Variants in TTLL5 observed in about 807,000 individuals in gnomAD.
TTLL5 encodes tubulin tyrosine ligase like 5, also known as tubulin polyglutamylase TTLL5.
TTLL5 carries 132 observed loss-of-function variants against 168.4 expected under a neutral mutation model. That is an observed-to-expected ratio of 0.78 (90% CI 0.68 to 0.91). The LOEUF is 0.91. TTLL5 is among the 40% of genes least tolerant of loss of function. The probability of loss-of-function intolerance (pLI) is 0.00; values close to 1 mark genes in which losing one functional copy is unlikely to be tolerated. For missense variants in TTLL5, 1,545 were observed against 1,581.5 expected, an observed-to-expected ratio of 0.98 and a Z score of 0.39; for synonymous variants, 546 against 558.6, an observed-to-expected ratio of 0.98 and a Z score of 0.32.
At chr14:75,731,364 T>C (rs922072741) in intron 12 of TTLL5, among the ~76,000 whole-genome samples, 30 of 110,866 alleles carry the variant, frequency 2.7e-4, no homozygotes, top group African/African-American at 1.0e-3. Flanking sequence ...GCTATAAATA[T>C]ACACATACAT....
intron 28 of TTLL5, among the ~76,000 whole-genome samples, chr14:75,851,450 C>T (rs1360530288): frequency 1.3e-5 from 2 of 152,074 alleles, no homozygotes; most frequent in Non-Finnish European, 2.9e-5. Flanking sequence ...GTAATTTAGC[C>T]TTGGGGGAGG....
At chr14:75,730,065 A>T (rs949023141) in intron 12 of TTLL5, among the ~76,000 whole-genome samples, 2 of 152,188 alleles carry the variant, frequency 1.3e-5, no homozygotes, top group Non-Finnish European at 2.9e-5. Context: ...TGTTCTTCTT[A>T]CTTTTAATAA....
intron 3 of TTLL5, among the ~76,000 whole-genome samples, chr14:75,677,229 T>C (rs989743543): frequency 4.6e-5 from 7 of 152,136 alleles, no homozygotes; most frequent in African/African-American, 1.4e-4. Flanking sequence ...TGCTTACAGC[T>C]ACTCTATGCA....
intron 29 of TTLL5, among the ~76,000 whole-genome samples, chr14:75,865,259 AGTT>A (rs1168054914): frequency 2.7e-5 from 4 of 146,974 alleles, no homozygotes; most frequent in Admixed American, 1.3e-4. Flanking sequence ...TGTGTGTCTT[AGTT>A]GTTGTTTTTT....
intron 27 of TTLL5, among the ~76,000 whole-genome samples, chr14:75,807,666 T>G (rs778664596): frequency 2.0e-5 from 3 of 152,234 alleles, no homozygotes; most frequent in Non-Finnish European, 4.4e-5. Flanking sequence ...CAAGTTACTG[T>G]GCTAAGACTC....
At chr14:75,791,134 G>A (rs1265527030) in intron 26 of TTLL5, among the ~76,000 whole-genome samples, 2 of 132,340 alleles carry the variant, frequency 1.5e-5, no homozygotes, top group East Asian at 2.0e-4. Context: ...ATACCACTTT[G>A]GTATTACTAC....
At chr14:75,714,647 C>T (rs1038542920) in intron 9 of TTLL5, among the ~76,000 whole-genome samples, 1 of 152,142 alleles carries the variant, frequency 6.6e-6, no homozygotes, top group Admixed American at 6.5e-5. Flanking sequence ...CCAGATTTGG[C>T]CAGTGGGAGA....
intron 23 of TTLL5, among the ~76,000 whole-genome samples, chr14:75,778,226 G>A (rs975929111): frequency 2.0e-5 from 3 of 152,136 alleles, no homozygotes; most frequent in African/African-American, 7.2e-5. Context: ...CTTCTGATTG[G>A]GGATTAGGTG....
intron 31 of TTLL5, among the ~76,000 whole-genome samples, chr14:75,925,439 T>C (rs868333689): frequency 2.8e-4 from 4 of 14,054 alleles, no homozygotes; most frequent in Admixed American, 9.1e-4. Flanking sequence ...GAGGCGCTCC[T>C]CACATCCCAG....
At chr14:75,834,957 A>G (rs970571374) in intron 28 of TTLL5, among the ~76,000 whole-genome samples, 1 of 151,990 alleles carries the variant, frequency 6.6e-6, no homozygotes, top group Admixed American at 6.5e-5. Flanking sequence ...AGTTCCAGCT[A>G]CTCAGGAGGC....
intron 28 of TTLL5, among the ~76,000 whole-genome samples, chr14:75,862,425 A>G (rs1325415971): frequency 6.6e-6 from 1 of 152,172 alleles, no homozygotes; most frequent in Non-Finnish European, 1.5e-5. Context: ...GAGTAACTGT[A>G]CCATTTTACT....
At chr14:75,786,507 C>A (rs1022425177) in intron 26 of TTLL5, among the ~76,000 whole-genome samples, 2 of 152,078 alleles carry the variant, frequency 1.3e-5, no homozygotes, top group Admixed American at 1.3e-4. Flanking sequence ...CTTATTTCCA[C>A]TGTGGTCAGA....
intron 3 of TTLL5, among the ~76,000 whole-genome samples, chr14:75,680,705 A>G (rs899623074): frequency 4.0e-5 from 6 of 150,144 alleles, no homozygotes; most frequent in Non-Finnish European, 7.4e-5. Flanking sequence ...GCTCACTGCA[A>G]CATCCACCTC....
chr14:75,818,762 G>C (rs548527932), intron 27 of TTLL5, among the ~76,000 whole-genome samples: 26 of 151,302 alleles, frequency 1.7e-4, no homozygotes, highest in Non-Finnish European at 3.7e-4. Context: ...GCCTCCCAAA[G>C]TGTTGGGGTT....
intron 17 of TTLL5, among the ~76,000 whole-genome samples, chr14:75,748,377 G>GT (rs1330797221): frequency 7.9e-5 from 12 of 150,956 alleles, no homozygotes; most frequent in Admixed American, 5.9e-4. Context: ...TTACAGTACA[G>GT]TTTTTTCAAT....
intron 30 of TTLL5, among the ~76,000 whole-genome samples, chr14:75,885,584 A>G (rs145306103): frequency 2.0e-5 from 3 of 152,400 alleles, no homozygotes; most frequent in Non-Finnish European, 4.4e-5. Flanking sequence ...GGAAACTGTC[A>G]TTGGCACATT....
rs768702355 is a variant in TTLL5 at position 75,783,503 on chromosome 14, C to G, written c.2959C>G (p.Leu987Val). 1 of 1,613,934 alleles carries G rather than the reference C, an allele frequency of 6.2e-7. No individual in the cohort carries two copies. Among genetic ancestry groups the G allele is most frequent in the Non-Finnish European group, 8.5e-7 (1 of 1,179,914 alleles). The change falls in exon 26 of 32, where the codon CTG (leucine) becomes GTG (valine). Residue 987 changes from leucine to valine, a missense_variant. Coordinates refer to ENST00000298832, the MANE Select transcript of TTLL5 (RefSeq NM_015072.5). ...TGCTGCACACATCTATAGCCAGAAA[C>G]TGTCTCGTCCCTCTTCAGCAAAGGC... ...QSAAHIYSQK[L>V]SRPSSAKAGS...
At chr14:75,840,047 T>A (rs1896136992) in intron 28 of TTLL5, among the ~76,000 whole-genome samples, 1 of 152,188 alleles carries the variant, frequency 6.6e-6, no homozygotes, top group Admixed American at 6.5e-5. Context: ...TAACCCTTGA[T>A]CCACAAAAGT....
chr14:75,763,029 G>A (rs183508946), intron 18 of TTLL5, among the ~76,000 whole-genome samples: 2 of 152,140 alleles, frequency 1.3e-5, no homozygotes, highest in East Asian at 3.9e-4. Context: ...CACGTCATTG[G>A]AGAGAGAGTT....
Sources: gnomAD v4.1 joint callset for allele counts (sites outside exome capture counted in the v4.1 genomes callset) on GRCh38, gnomAD v4.1.1 for gene constraint, MANE v1.5 for transcripts, NCBI Gene and HGNC (gene_info 2026-07-23, HGNC 2026-07-21) for gene names.